Variants in DPP4 observed in about 807,000 individuals in gnomAD.
The protein encoded by DPP4 is dipeptidyl peptidase 4.
Under a neutral mutation model 122.4 loss-of-function variants are expected in DPP4, and 93 were observed. The observed-to-expected ratio is 0.76, with a 90% CI of 0.64 to 0.90. DPP4 has a LOEUF of 0.90. Among genes scored for constraint, DPP4 ranks in the 40% least tolerant of loss-of-function variants. The pLI is 0.00. For missense variants in DPP4, 914 were observed against 907.3 expected, an observed-to-expected ratio of 1.01 and a Z score of -0.09; for synonymous variants, 321 against 302.9, an observed-to-expected ratio of 1.06 and a Z score of -0.62.
At chr2:162,059,357 C>T (rs894189756) in intron 2 of DPP4, among the ~76,000 whole-genome samples, 3 of 152,168 alleles carry the variant, frequency 2.0e-5, no homozygotes, top group African/African-American at 7.2e-5. Context: ...GGCTTCTATG[C>T]CCCATGAAAT....
rs200658656 is a variant in DPP4 at position 161,993,240 on chromosome 2, A to T, written c.*43T>A. 6.8e-6 allele frequency: 10 copies of T among 1,467,060 alleles called. No individual in the cohort carries two copies. The highest frequency in any genetic ancestry group is 8.6e-6 in the Non-Finnish European group (9 of 1,047,346). 90.9% of individuals were successfully genotyped at this position (1,467,060 alleles called of 1,614,324 possible). On this transcript the variant is annotated 3_prime_UTR_variant, in exon 26 of 26. Coordinates refer to ENST00000360534, the MANE Select transcript of DPP4 (RefSeq NM_001935.4). ...GCAGTTTTGAGATAATGAAAACAAA[A>T]ATGAGTTTTAATAAGCTTTAAATGG... is the stretch of plus-strand genomic sequence containing the variant.
chr2:162,033,682 T>G, intron 9 of DPP4, 29 bp from the exon 10 acceptor site: 1 of 1,486,688 alleles, frequency 6.7e-7, no homozygotes, highest in Non-Finnish European at 9.1e-7. Context: ...AGAATTGGTA[T>G]TGACAAAAAA....
chr2:162,014,694 A>G (rs1334227264), intron 18 of DPP4, among the ~76,000 whole-genome samples: 2 of 152,210 alleles, frequency 1.3e-5, no homozygotes, highest in Non-Finnish European at 2.9e-5. Flanking sequence ...TAATGTATCT[A>G]TTAAATACAT....
intron 16 of DPP4, 64 bp downstream of exon 16, chr2:162,018,665 A>G (rs1683005206): frequency 1.3e-6 from 2 of 1,571,140 alleles, no homozygotes; most frequent in East Asian, 4.5e-5. Context: ...AAAGGAATAG[A>G]GGGAGCTGCT....
Position 162,072,274 on chromosome 2 carries a change from GC to G in DPP4, c.94+1124del, listed in dbSNP as rs572880741. 4.6e-5 allele frequency among the ~76,000 whole-genome samples: 7 copies of G among 152,328 alleles called. No individual in the cohort carries two copies. The East Asian group carries it at 1.4e-3, about 29-fold the overall frequency. ...GCATGTATGGTTTACACAAAGAGTT[GC>G]TTTATGAAAATAGTTATATTTTAAC... On this transcript the variant is annotated intron_variant, in intron 2 of 25. Transcript: ENST00000360534.
chr2:162,007,599 A>G (rs994126710), intron 22 of DPP4, among the ~76,000 whole-genome samples: 3 of 152,094 alleles, frequency 2.0e-5, no homozygotes, highest in African/African-American at 7.2e-5. Flanking sequence ...TTCTCATTTC[A>G]TATTTTTAAA....
In DPP4 at chr2:162,008,587, C is replaced by T. The variant is rs765615881; in HGVS notation, c.1962G>A (p.Ala654=). The change falls in exon 22 of 26, where the codon GCG becomes GCA. Residue 654 remains alanine (A), a synonymous_variant. Coordinates refer to ENST00000360534, the MANE Select transcript of DPP4 (RefSeq NM_001935.4). The stretch of plus-strand genomic sequence containing the variant: ...CATAGTACTCCCACCGGGATACAGG[C>T]GCCACGGCTATTCCACACTTGAACA... ...SGVFKCGIAV[A]PVSRWEYYDS... is the part of the protein sequence containing the mutation. The T allele has an allele frequency of 6.8e-6, 11 of 1,613,486 alleles. No homozygotes were observed. Among genetic ancestry groups the T allele is most frequent in the African/African-American group, 2.7e-5 (2 of 74,846 alleles).
chr2:161,997,295 A>G (rs928267074), intron 23 of DPP4, among the ~76,000 whole-genome samples: 1 of 152,208 alleles, frequency 6.6e-6, no homozygotes, highest in Non-Finnish European at 1.5e-5. Context: ...AGATAAATAC[A>G]TCTAAATATA....
intron 12 of DPP4, 26 bp downstream of exon 12, chr2:162,022,729 A>T: frequency 6.2e-7 from 1 of 1,613,084 alleles, no homozygotes; most frequent in African/African-American, 1.3e-5. Context: ...ACTCATCCAT[A>T]AAACCCCACA....
At position 162,035,390 on chromosome 2, in the gene DPP4, T is replaced by C. The variant is rs562395783; in HGVS notation, c.614-66A>G. 2.0e-6 allele frequency: 3 copies of C among 1,481,910 alleles called. No homozygotes were observed. In the South Asian group the frequency reaches 3.7e-5, roughly 18 times the overall value. The allele number at this position is 1,481,910 out of a possible 1,614,324, so 91.8% of individuals were successfully genotyped here. ...GATAAATTGGCTTTGGCATTCAAAA[T>C]ATTGTTCTCATTAGCTTTAGTAATT... On this transcript the variant is annotated intron_variant, in intron 8 of 25. Transcript: ENST00000360534.
intron 23 of DPP4, among the ~76,000 whole-genome samples, chr2:162,001,700 G>A (rs1413669709): frequency 1.3e-5 from 2 of 152,162 alleles, no homozygotes; most frequent in African/African-American, 4.8e-5. Flanking sequence ...ACAAGGTGTG[G>A]CTACAGCTGC....
chr2:162,015,030 A>G (rs1250593460), intron 18 of DPP4, among the ~76,000 whole-genome samples: 1 of 152,200 alleles, frequency 6.6e-6, no homozygotes, highest in Non-Finnish European at 1.5e-5. Flanking sequence ...TACATTCTGT[A>G]TGATCTCCCA....
At chr2:162,012,451 C>T (rs1423237464) in intron 19 of DPP4, among the ~76,000 whole-genome samples, 1 of 152,092 alleles carries the variant, frequency 6.6e-6, no homozygotes, top group East Asian at 1.9e-4. Context: ...CTTTGCATTT[C>T]CCATAGCACC....
intron 8 of DPP4, 35 bp downstream of exon 8, chr2:162,038,267 G>A (rs200517689): frequency 1.3e-6 from 2 of 1,500,504 alleles, no homozygotes; most frequent in Non-Finnish European, 1.8e-6. Flanking sequence ...AAAGCTTATA[G>A]ATTTTCTGAT....
intron 11 of DPP4, among the ~76,000 whole-genome samples, chr2:162,024,218 G>C (rs565032546): frequency 6.6e-6 from 1 of 152,334 alleles, no homozygotes; most frequent in East Asian, 1.9e-4. Context: ...CTTTAACTTT[G>C]ACCGTCATCC....
intron 22 of DPP4, among the ~76,000 whole-genome samples, chr2:162,007,770 A>T (rs138039680): frequency 6.6e-6 from 1 of 152,300 alleles, no homozygotes; most frequent in East Asian, 1.9e-4. Flanking sequence ...TAACAGAAAG[A>T]TATAAATGTA....
intron 22 of DPP4, 43 bp from the exon 23 acceptor site, chr2:162,005,852 T>A (rs1278410352): frequency 6.5e-7 from 1 of 1,532,634 alleles, no homozygotes; most frequent in Admixed American, 1.8e-5. Context: ...ATTCATACAA[T>A]AACAACTTTT....
At chr2:162,044,725 G>T (rs891022287) in intron 5 of DPP4, among the ~76,000 whole-genome samples, 6 of 152,152 alleles carry the variant, frequency 3.9e-5, no homozygotes, top group Admixed American at 3.3e-4. Context: ...AACATGAAGA[G>T]GATGTATGAT....
intron 9 of DPP4, 33 bp from the exon 10 acceptor site, chr2:162,033,686 C>T: frequency 8.8e-7 from 1 of 1,134,494 alleles, no homozygotes. Flanking sequence ...TTGGTATTGA[C>T]AAAAAAAAAA....
Sources: allele counts gnomAD v4.1 joint callset (sites outside exome capture counted in the v4.1 genomes callset), GRCh38; gene constraint gnomAD v4.1.1; transcripts MANE v1.5; gene names NCBI Gene and HGNC (gene_info 2026-07-23, HGNC 2026-07-21).